Variants in PACS2 observed in about 807,000 individuals in gnomAD.
The protein encoded by PACS2 is PACS1-like protein.
A neutral mutation model predicts 113.0 loss-of-function variants in PACS2; 36 were observed. The ratio of observed to expected loss-of-function variants is 0.32; its 90% CI spans 0.24 to 0.42. The LOEUF (loss-of-function observed/expected upper bound fraction) is 0.42. Ranked by LOEUF, PACS2 falls within the 10% of genes least tolerant of loss-of-function variation. The probability of loss-of-function intolerance (pLI) is 1.00; values close to 1 mark genes in which losing one functional copy is unlikely to be tolerated. For synonymous variants in PACS2, 589 were observed against 536.1 expected (o/e 1.10, Z -1.36); for missense variants, 1,015 against 1,239.5 (o/e 0.82, Z 2.72).
At chr14:105,352,246 C>G in intron 2 of PACS2, 132 bp from the exon 3 acceptor site, 1 of 678,736 alleles carries the variant, frequency 1.5e-6, no homozygotes, top group Non-Finnish European at 2.7e-6. Flanking sequence ...ATTACCCCAG[C>G]CTGTGCCTAC....
chr14:105,356,696 T>C lies in PACS2; in HGVS notation c.423+1519T>C, dbSNP rs1330296828. Among the ~76,000 whole-genome samples the C allele has an allele frequency of 1.3e-5, 2 of 151,880 alleles. No individual in the cohort carries two copies. The highest frequency in any genetic ancestry group is 2.9e-5 in the Non-Finnish European group (2 of 67,930). The stretch of plus-strand genomic sequence containing the variant: ...GGTCCTGCTGATCCCTGCCGGTCCC[T>C]GTGTTTCCCATTAGCCATGCAGGCG... On this transcript the variant is annotated intron_variant, in intron 4 of 24. Coordinates refer to ENST00000447393, the MANE Select transcript of PACS2 (RefSeq NM_001100913.3). The surrounding 1 kb of genome is among the most constrained non-coding windows in gnomAD (Gnocchi z 4.0).
In PACS2 at chr14:105,380,126, G is replaced by A; in HGVS notation, c.1097G>A (p.Ser366Asn). 1 of 1,552,882 alleles carries A rather than the reference G, an allele frequency of 6.4e-7. No individual in the cohort carries two copies. Among genetic ancestry groups the A allele is most frequent in the Non-Finnish European group, 8.7e-7 (1 of 1,147,990 alleles). ...KTRSLGGRQP[S>N]DSVSDTVALG... ...CGGTCCCTGGGAGGCAGGCAGCCGAGCGACAGTGTCTCTGACACGGTGGCC... is the reference window on the plus strand; with the variant it reads ...CGGTCCCTGGGAGGCAGGCAGCCGAACGACAGTGTCTCTGACACGGTGGCC... Residue 366 changes from serine (S) to asparagine (N), a missense_variant, in exon 11 of 25, where the codon AGC (serine) becomes AAC (asparagine). By Grantham distance (46) the Ser-to-Asn change is conservative. This residue lies in a region of PACS2 where 859 missense variants were observed against 1,056.8 expected (regional missense o/e 0.81). Transcript: ENST00000447393.
chr14:105,346,424 T>C (rs1338747804), intron 1 of PACS2, among the ~76,000 whole-genome samples: 4 of 151,696 alleles, frequency 2.6e-5, no homozygotes, highest in African/African-American at 9.7e-5. Context: ...TCTGCAGCCC[T>C]GTCTGCAGAG....
chr14:105,312,302 A>G (rs1215057383), upstream of PACS2, among the ~76,000 whole-genome samples: 1 of 152,246 alleles, frequency 6.6e-6, no homozygotes, highest in African/African-American at 2.4e-5. Context: ...ATCCTAGCCA[A>G]GCATTCAGAA....
intron 21 of PACS2, 67 bp downstream of exon 21, chr14:105,391,316 G>A (rs1211100161): frequency 1.0e-5 from 12 of 1,173,780 alleles, no homozygotes; most frequent in Middle Eastern, 1.9e-4. Context: ...ACGGTCATTC[G>A]AGTCCTGCAG....
chr14:105,392,875 G>A (rs781828642), intron 23 of PACS2, 30 bp downstream of exon 23: 40 of 1,497,632 alleles, frequency 2.7e-5, no homozygotes, highest in Middle Eastern at 4.3e-4. Flanking sequence ...AAGGCCACAC[G>A]GCGCAGAAGG....
intron 1 of PACS2, among the ~76,000 whole-genome samples, chr14:105,308,288 C>G (rs1452523364): frequency 6.6e-6 from 1 of 152,014 alleles, no homozygotes; most frequent in Non-Finnish European, 1.5e-5. Context: ...TTGAGACCAG[C>G]CTGGGAAATA....
At chr14:105,383,561 A>AGTGTGGCGTGGCATGGAGTG (rs1566963607) in intron 16 of PACS2, 48 bp downstream of exon 16, 1 of 1,525,114 alleles carries the variant, frequency 6.6e-7, no homozygotes, top group Admixed American at 1.8e-5. Flanking sequence ...TGCCACGGGC[A>AGTGTGGCGTGGCATGGAGTG]GTGTGGCGTG....
intron 11 of PACS2, 41 bp downstream of exon 11, chr14:105,380,195 GGCACACCAATGCT>G: frequency 6.7e-7 from 1 of 1,497,386 alleles, no homozygotes; most frequent in Non-Finnish European, 9.1e-7. Context: ...CCACACATCA[GGCACACCAATGCT>G]GCCTTTAAGG....
Position 105,393,647 on chromosome 14 carries a change from T to C in PACS2, c.2596+312T>C, listed in dbSNP as rs191566367. On this transcript the variant is annotated intron_variant, in intron 24 of 24. Coordinates refer to ENST00000447393, the MANE Select transcript of PACS2 (RefSeq NM_001100913.3). ...TCTTGTTACCCAGGCTGGAGTGCAA[T>C]GGTGTGATCTCAGCTCACTGCAACT... 4.1e-5 allele frequency: 11 copies of C among 265,086 alleles called. No individual in the cohort carries two copies. The East Asian group carries it at 1.1e-3, about 28-fold the overall frequency. 16.4% of individuals were successfully genotyped at this position (265,086 alleles called of 1,614,324 possible). A position where few individuals can be genotyped will look rare whatever the true frequency, so the allele number is the denominator to read the frequency against.
chr14:105,326,671 C>T (rs1424332349), intron 1 of PACS2, among the ~76,000 whole-genome samples: 1 of 152,224 alleles, frequency 6.6e-6, no homozygotes, highest in Admixed American at 6.5e-5. Context: ...CTCCTTCCTC[C>T]CCCACCTCAA....
rs148152511 is a variant in PACS2 at position 105,390,530 on chromosome 14, C to G, written c.2076+527C>G. 126 of 175,050 alleles carry G rather than the reference C, an allele frequency of 7.2e-4. 2 individuals are homozygous for G. The East Asian group carries it at 0.013, about 17-fold the overall frequency. 10.8% of individuals were successfully genotyped at this position (175,050 alleles called of 1,614,324 possible). A position where few individuals can be genotyped will look rare whatever the true frequency, so the allele number is the denominator to read the frequency against. On this transcript the variant is annotated intron_variant, in intron 20 of 24. Transcript: ENST00000447393. Reference sequence around the variant, plus strand: ...ATCTTTTCGCTCTGTTGTGTGGCCTCCCTCCCGCCAGGTGTCTGCTGTGAG... The same window carrying G: ...ATCTTTTCGCTCTGTTGTGTGGCCTGCCTCCCGCCAGGTGTCTGCTGTGAG...
At chr14:105,379,516 T>C (rs1213636150) in intron 9 of PACS2, among the ~76,000 whole-genome samples, 2 of 152,168 alleles carry the variant, frequency 1.3e-5, no homozygotes, top group African/African-American at 4.8e-5. Flanking sequence ...GGCAGCCAGG[T>C]TGGCCCAGCG....
At chr14:105,379,044 G>C (rs1555411215) in intron 9 of PACS2, among the ~76,000 whole-genome samples, 1 of 151,738 alleles carries the variant, frequency 6.6e-6, no homozygotes, top group African/African-American at 2.4e-5. Flanking sequence ...GGTCGGGAAG[G>C]GCCTGGGTGG....
At chr14:105,384,810 C>A (rs1187513963) in intron 17 of PACS2, 69 bp from the exon 18 acceptor site, 2 of 1,045,736 alleles carry the variant, frequency 1.9e-6, no homozygotes, top group African/African-American at 1.6e-5. Context: ...ACCGGGGAGG[C>A]CCAGCTTAGC....
rs782212103 is a variant in PACS2 at position 105,391,669 on chromosome 14, C to T, written c.2158C>T (p.Leu720Phe). Reference sequence around the variant, plus strand: ...CGCGGCCCCCTCGGGCTCTGGCACGCTCTCCTCCACCCCGCCGTCCGCATC... The same window carrying T: ...CGCGGCCCCCTCGGGCTCTGGCACGTTCTCCTCCACCCCGCCGTCCGCATC... Reference protein sequence around the residue: ...DDAAPSGSGTLSSTPPSASPA... With the variant: ...DDAAPSGSGTFSSTPPSASPA... The change falls in exon 22 of 25, where the codon CTC (leucine) becomes TTC (phenylalanine). Residue 720 changes from leucine to phenylalanine, a missense_variant. Coordinates refer to ENST00000447393, the MANE Select transcript of PACS2 (RefSeq NM_001100913.3). 12 of 1,610,518 alleles carry T rather than the reference C, an allele frequency of 7.5e-6. No homozygotes were observed. In the East Asian group the frequency reaches 2.5e-4, roughly 33 times the overall value.
At chr14:105,333,396 G>A (rs924886271) in intron 1 of PACS2, among the ~76,000 whole-genome samples, 1 of 152,260 alleles carries the variant, frequency 6.6e-6, no homozygotes, top group South Asian at 2.1e-4. Context: ...GCTGCCTGCA[G>A]CACAGGCCGG....
chr14:105,339,988 A>G (rs2059665094), intron 1 of PACS2, among the ~76,000 whole-genome samples: 2 of 152,234 alleles, frequency 1.3e-5, no homozygotes, highest in South Asian at 4.1e-4. Flanking sequence ...CATGTTGCCC[A>G]GGCTGGTCTT....
chr14:105,302,162 A>G (rs72711567), intron 1 of PACS2, among the ~76,000 whole-genome samples: 4,854 of 149,600 alleles, frequency 0.032, 143 homozygotes, highest in African/African-American at 0.074. Flanking sequence ...AAAAAAAGAG[A>G]AAAAAGGAAA....
Sources: allele counts gnomAD v4.1 joint callset (sites outside exome capture counted in the v4.1 genomes callset), GRCh38; gene constraint gnomAD v4.1.1; regional missense constraint gnomAD v4.1.1; non-coding constraint Gnocchi (gnomAD v3.1); transcripts MANE v1.5; gene names NCBI Gene and HGNC (gene_info 2026-07-23, HGNC 2026-07-21).